SHLD2: variants seen among roughly 807,000 people sequenced by gnomAD.
The protein encoded by SHLD2 is shieldin complex subunit 2.
A neutral mutation model predicts 73.2 loss-of-function variants in SHLD2; 30 were observed. The ratio of observed to expected loss-of-function variants is 0.41; its 90% CI spans 0.31 to 0.56. The LOEUF (loss-of-function observed/expected upper bound fraction) is 0.56, where lower values mean the gene tolerates loss of function less well. Among genes scored for constraint, SHLD2 ranks in the 20% least tolerant of loss-of-function variants. SHLD2 has a pLI of 0.28. For missense variants in SHLD2, 745 were observed against 1,055.9 expected (o/e 0.71, Z 4.08); for synonymous variants, 285 against 370.1 (o/e 0.77, Z 2.64).
intron 3 of SHLD2, among the ~76,000 whole-genome samples, chr10:87,155,098 C>G (rs1846315208): frequency 6.6e-6 from 1 of 152,100 alleles, no homozygotes; most frequent in Admixed American, 6.5e-5. Flanking sequence ...CCGCGCGCGG[C>G]TAATTTTTTT....
At chr10:87,134,046 CTGAG>C (rs1243600115) in intron 2 of SHLD2, among the ~76,000 whole-genome samples, 3 of 152,266 alleles carry the variant, frequency 2.0e-5, no homozygotes, top group Non-Finnish European at 4.4e-5. Context: ...TGAAGGGTGA[CTGAG>C]AGCTGGTCAA....
Position 87,151,403 on chromosome 10 carries a change from C to T in SHLD2, c.49C>T (p.Pro17Ser). 2 of 1,594,858 alleles carry T rather than the reference C, an allele frequency of 1.3e-6. No individual in the cohort carries two copies. The highest frequency in any genetic ancestry group is 2.2e-5 in the East Asian group (1 of 44,728). ...VHIFWGAPIA[P>S]LKITVSEDTA... ...CATTTTTTGGGGTGCTCCAATTGCT[C>T]CACTGAAAATCACAGTATCAGAAGA... The change falls in exon 3 of 10, where the codon CCA becomes TCA. Residue 17 changes from proline (P) to serine (S), a missense_variant. Around this residue, in one of 5 missense-constraint regions of SHLD2, gnomAD observed 280 missense variants for 353.9 expected, o/e 0.79. Coordinates refer to ENST00000298786, the MANE Select transcript of SHLD2 (RefSeq NM_001330112.2).
chr10:87,103,365 G>A (rs34651668), intron 2 of SHLD2, among the ~76,000 whole-genome samples: 52,723 of 151,756 alleles, frequency 0.35, 9,595 homozygotes, highest in African/African-American at 0.44. Flanking sequence ...AAACAGCATA[G>A]GCAAAGCTTA....
At chr10:87,187,000 G>C (rs1848661871) in intron 8 of SHLD2, 85 bp from the exon 9 acceptor site, 2 of 846,144 alleles carry the variant, frequency 2.4e-6, no homozygotes, top group South Asian at 1.6e-5. Flanking sequence ...TAAAAACCAA[G>C]TGCTTTTTGG....
Position 87,170,595 on chromosome 10 carries a change from T to G in SHLD2, c.1751T>G (p.Phe584Cys), listed in dbSNP as rs1847530281. 9 of 1,613,710 alleles carry G rather than the reference T, an allele frequency of 5.6e-6. No homozygotes were observed. The highest frequency in any genetic ancestry group is 6.8e-6 in the Non-Finnish European group (8 of 1,179,800). ...CCTCAGAGGGTGAACAGTATAGACT[T>G]TGTAGAATTGGAGCACCTTCAACCT... ...RQPQRVNSID[F>C]VELEHLQPDV... Residue 584 changes from phenylalanine to cysteine, a missense_variant, in exon 5 of 10, where the codon TTT (phenylalanine) becomes TGT (cysteine). Physicochemically the swap from Phe to Cys is radical, Grantham distance 205. Around this residue, in one of 5 missense-constraint regions of SHLD2, gnomAD observed 418 missense variants for 567.8 expected, o/e 0.74. Transcript: ENST00000298786.
intron 7 of SHLD2, among the ~76,000 whole-genome samples, chr10:87,176,486 T>C (rs922773258): frequency 2.6e-5 from 4 of 152,198 alleles, no homozygotes; most frequent in Non-Finnish European, 1.5e-5. Flanking sequence ...AGGCTACCAC[T>C]TGTGGTAAAA....
intron 8 of SHLD2, among the ~76,000 whole-genome samples, chr10:87,186,478 T>G (rs1190752983): frequency 6.6e-6 from 1 of 152,250 alleles, no homozygotes; most frequent in East Asian, 1.9e-4. Flanking sequence ...GTTTTTTGTA[T>G]GTCCTTCCAG....
intron 2 of SHLD2, among the ~76,000 whole-genome samples, chr10:87,115,919 C>G (rs1378610782): frequency 6.6e-6 from 1 of 152,100 alleles, no homozygotes; most frequent in African/African-American, 2.4e-5. Flanking sequence ...AAACTTTAAG[C>G]TTCTTGAGGG....
chr10:87,141,820 C>T (rs1359648914), intron 2 of SHLD2, among the ~76,000 whole-genome samples: 5 of 152,022 alleles, frequency 3.3e-5, no homozygotes, highest in African/African-American at 1.2e-4. Context: ...CACCTGAGGT[C>T]AGGAGTTCAA....
intron 4 of SHLD2, among the ~76,000 whole-genome samples, chr10:87,165,513 T>C (rs2134487020): frequency 6.6e-6 from 1 of 152,318 alleles, no homozygotes; most frequent in East Asian, 1.9e-4. Context: ...TTTTGTGGAA[T>C]TGCCAAAAAT....
At chr10:87,130,490 A>AT (rs1421220828) in intron 2 of SHLD2, among the ~76,000 whole-genome samples, 1 of 151,824 alleles carries the variant, frequency 6.6e-6, no homozygotes, top group Non-Finnish European at 1.5e-5. Context: ...ATCCTCTAGA[A>AT]TTTTGCCTTG....
chr10:87,148,259 C>T (rs1279733429), intron 2 of SHLD2, among the ~76,000 whole-genome samples: 1 of 152,226 alleles, frequency 6.6e-6, no homozygotes, highest in East Asian at 1.9e-4. Context: ...ATGCCCAGCA[C>T]GTAATGTTGA....
At chr10:87,153,559 C>T (rs1410640846) in intron 3 of SHLD2, among the ~76,000 whole-genome samples, 2 of 152,152 alleles carry the variant, frequency 1.3e-5, no homozygotes, top group Non-Finnish European at 1.5e-5. Context: ...ATATAACCAC[C>T]AATAGAGTTC....
At chr10:87,157,946 C>T in intron 3 of SHLD2, 102 bp from the exon 4 acceptor site, 1 of 890,782 alleles carries the variant, frequency 1.1e-6, no homozygotes, top group Non-Finnish European at 1.7e-6. Context: ...TCTCTACTTG[C>T]TTGGTATATG....
intron 2 of SHLD2, among the ~76,000 whole-genome samples, chr10:87,151,056 C>T (rs1845978045): frequency 6.6e-6 from 1 of 152,086 alleles, no homozygotes; most frequent in Non-Finnish European, 1.5e-5. Context: ...ATCTCCTGAC[C>T]TCGTGATCCA....
intron 6 of SHLD2, 62 bp from the exon 7 acceptor site, chr10:87,175,827 C>A: frequency 6.7e-7 from 1 of 1,487,934 alleles, no homozygotes; most frequent in Non-Finnish European, 9.1e-7. Context: ...TCTATTTAAT[C>A]TGATACTAAG....
Position 87,152,141 on chromosome 10 carries a change from A to G in SHLD2, c.787A>G (p.Ser263Gly). Residue 263 changes from serine to glycine, a missense_variant, in exon 3 of 10, where the codon AGT becomes GGT. Around this residue, in one of 5 missense-constraint regions of SHLD2, gnomAD observed 280 missense variants for 353.9 expected, o/e 0.79. Coordinates refer to ENST00000298786, the MANE Select transcript of SHLD2 (RefSeq NM_001330112.2). ...FLAQKKDKRR[S>G]PVNKGNVNME... Reference sequence around the variant, plus strand: ...AGCTCAAAAGAAAGATAAAAGGCGGAGTCCTGTAAATAAAGGGAATGTAAA... The same window carrying G: ...AGCTCAAAAGAAAGATAAAAGGCGGGGTCCTGTAAATAAAGGGAATGTAAA... 1 of 1,611,784 alleles carries G rather than the reference A, an allele frequency of 6.2e-7. No individual in the cohort carries two copies. The highest frequency in any genetic ancestry group is 8.5e-7 in the Non-Finnish European group (1 of 1,179,754).
chr10:87,187,197 A>T lies in SHLD2; in HGVS notation c.2512A>T (p.Ile838Leu). The T allele has an allele frequency of 6.5e-7, 1 of 1,539,678 alleles. No homozygotes were observed. The highest frequency in any genetic ancestry group is 9.0e-7 in the Non-Finnish European group (1 of 1,112,220). ...TTCTGCAGACTGCCTCAACAGAGTG[A>T]TAGGTAATATATCAGTGTGCCATCA... ...NISADCLNRVIVPSSEITYGM... is the reference protein window; with the variant it reads ...NISADCLNRVLVPSSEITYGM... Residue 838 changes from isoleucine (I) to leucine (L), a missense_variant, in exon 9 of 10, where the codon ATA becomes TTA. Coordinates refer to ENST00000298786, the MANE Select transcript of SHLD2 (RefSeq NM_001330112.2).
rs144963994 is a variant in SHLD2 at position 87,178,907 on chromosome 10, T to C, written c.2171-1168T>C. Among the ~76,000 whole-genome samples the C allele has an allele frequency of 7.6e-3, 1,163 of 152,196 alleles. 17 individuals carry two copies. Among genetic ancestry groups the C allele is most frequent in the African/African-American group, 0.027 (1,118 of 41,500 alleles). ...ATTGAAAGACTAAAGCAAATGAAGT[T>C]AAGAACAGAAGACTCATCATTAACT... On this transcript the variant is annotated intron_variant, in intron 7 of 9. Transcript: ENST00000298786.
Sources: allele counts gnomAD v4.1 joint callset (sites outside exome capture counted in the v4.1 genomes callset), GRCh38; gene constraint gnomAD v4.1.1; regional missense constraint gnomAD v4.1.1; transcripts MANE v1.5; gene names NCBI Gene and HGNC (gene_info 2026-07-23, HGNC 2026-07-21).